AFF3: variants seen among roughly 807,000 people sequenced by gnomAD.
AFF3 encodes the protein ALF transcription elongation factor 3.
AFF3 carries 32 observed loss-of-function variants against 129.7 expected under a neutral mutation model. The ratio of observed to expected loss-of-function variants is 0.25; its 90% CI spans 0.19 to 0.33. The LOEUF (loss-of-function observed/expected upper bound fraction) is 0.33. Ranked by LOEUF, AFF3 falls within the 10% of genes least tolerant of loss-of-function variation. The pLI, the probability that AFF3 is intolerant of heterozygous loss-of-function variation, is 1.00. For synonymous variants in AFF3, 644 were observed against 635.4 expected (o/e 1.01, Z -0.20); for missense variants, 1,373 against 1,592.0 (o/e 0.86, Z 2.34).
intron 1 of AFF3, among the ~76,000 whole-genome samples, chr2:100,137,278 A>G (rs1383735240): frequency 6.6e-6 from 1 of 152,206 alleles, no homozygotes; most frequent in Non-Finnish European, 1.5e-5. Context: ...TGCTCTGGGA[A>G]TGACTGTAGC....
intron 7 of AFF3, among the ~76,000 whole-genome samples, chr2:99,848,838 C>T (rs1689926966): frequency 6.6e-6 from 1 of 152,122 alleles, no homozygotes; most frequent in Non-Finnish European, 1.5e-5. Context: ...GAATAATATG[C>T]TTAATTATGG....
At chr2:99,676,995 G>A (rs533371118) in intron 11 of AFF3, among the ~76,000 whole-genome samples, 1 of 152,274 alleles carries the variant, frequency 6.6e-6, no homozygotes, top group East Asian at 1.9e-4. Context: ...TTGGCTGCAC[G>A]CGGTGGCTTG....
rs55672296 is a variant in AFF3 at position 99,946,473 on chromosome 2, TAAAAAAAAAAAAAAAA to T, written c.873+60143_873+60158del. On this transcript the variant is annotated intron_variant, in intron 7 of 24. Coordinates refer to ENST00000672756, the MANE Select transcript of AFF3 (RefSeq NM_001386135.1). ...TGGTTGACAGAGTGAGACGCCATCT[TAAAAAAAAAAAAAAAA>T]AAAAAAAAAAAAAAAAAAGATGGGG... Among the ~76,000 whole-genome samples the T allele has an allele frequency of 8.8e-3, 446 of 50,530 alleles. 5 individuals are homozygous for T. The highest frequency in any genetic ancestry group is 0.011 in the Non-Finnish European group (306 of 26,858). 33.1% of individuals were successfully genotyped at this position (50,530 alleles called of 152,430 possible). A position where few individuals can be genotyped will look rare whatever the true frequency, so the allele number is the denominator to read the frequency against.
chr2:99,996,501 C>T (rs1214486340), intron 7 of AFF3, among the ~76,000 whole-genome samples: 1 of 149,452 alleles, frequency 6.7e-6, no homozygotes, highest in Non-Finnish European at 1.5e-5. Context: ...GTTGGGACTA[C>T]AGGCACCTGC....
At chr2:100,134,838 G>C (rs1372475798) in intron 1 of AFF3, among the ~76,000 whole-genome samples, 1 of 152,172 alleles carries the variant, frequency 6.6e-6, no homozygotes, top group African/African-American at 2.4e-5. Flanking sequence ...ATACAAGAAG[G>C]AACTTTCATT....
intron 1 of AFF3, among the ~76,000 whole-genome samples, chr2:100,140,912 C>G (rs1454831202): frequency 6.6e-6 from 1 of 152,164 alleles, no homozygotes; most frequent in African/African-American, 2.4e-5. Context: ...CCACCTCCCA[C>G]CTTTCACCTT....
At chr2:99,978,709 T>A (rs1679112858) in intron 7 of AFF3, among the ~76,000 whole-genome samples, 1 of 152,082 alleles carries the variant, frequency 6.6e-6, no homozygotes, top group South Asian at 2.1e-4. Context: ...GGTGACTAGA[T>A]CATAAGGGCA....
intron 7 of AFF3, among the ~76,000 whole-genome samples, chr2:99,883,983 T>C (rs1576271945): frequency 6.6e-6 from 1 of 152,318 alleles, no homozygotes; most frequent in East Asian, 1.9e-4. Context: ...CATGCACATT[T>C]GTTTAACAGG....
intron 8 of AFF3, among the ~76,000 whole-genome samples, chr2:99,754,793 T>G (rs137996500): frequency 2.6e-5 from 4 of 152,344 alleles, no homozygotes; most frequent in Non-Finnish European, 5.9e-5. Flanking sequence ...CGTACCTTAA[T>G]CAGGGTCCAT....
chr2:99,840,242 T>C (rs1194062171), intron 7 of AFF3, among the ~76,000 whole-genome samples: 1 of 152,228 alleles, frequency 6.6e-6, no homozygotes, highest in East Asian at 1.9e-4. Flanking sequence ...AAACCATTGC[T>C]AAATTCAAGC....
intron 13 of AFF3, among the ~76,000 whole-genome samples, chr2:99,647,091 G>T (rs1467556510): frequency 6.6e-6 from 1 of 152,200 alleles, no homozygotes; most frequent in Non-Finnish European, 1.5e-5. Flanking sequence ...AGACATTGTG[G>T]TGATTCTTCA....
intron 10 of AFF3, among the ~76,000 whole-genome samples, chr2:99,742,731 C>A (rs1375239310): frequency 6.6e-6 from 1 of 152,158 alleles, no homozygotes; most frequent in Non-Finnish European, 1.5e-5. Context: ...TCGTTATTAG[C>A]CTCAGAAACT....
At chr2:99,686,848 G>T (rs1675111032) in intron 11 of AFF3, among the ~76,000 whole-genome samples, 1 of 152,220 alleles carries the variant, frequency 6.6e-6, no homozygotes, top group Admixed American at 6.5e-5. Context: ...GGTCCCTAAA[G>T]GGCCCTCTAC....
At chr2:99,623,413 G>A (rs1274864269) in intron 13 of AFF3, among the ~76,000 whole-genome samples, 2 of 152,178 alleles carry the variant, frequency 1.3e-5, no homozygotes, top group African/African-American at 4.8e-5. Flanking sequence ...GCTGGGCACT[G>A]GAATACTCAT....
In AFF3 at chr2:99,551,412, T is replaced by C; in HGVS notation, c.*62A>G. 1 of 1,600,766 alleles carries C rather than the reference T, an allele frequency of 6.2e-7. No homozygotes were observed. The highest frequency in any genetic ancestry group is 8.5e-7 in the Non-Finnish European group (1 of 1,172,454). On this transcript the variant is annotated 3_prime_UTR_variant, in exon 25 of 25. Coordinates refer to ENST00000672756, the MANE Select transcript of AFF3 (RefSeq NM_001386135.1). ...GTGGCTGGGAGTTTCAGTAGCACAG[T>C]GTCCAAAAACGTTGAGCCATCTGTG...
intron 13 of AFF3, among the ~76,000 whole-genome samples, chr2:99,619,025 G>A (rs62154485): frequency 0.035 from 5,320 of 152,214 alleles, 117 homozygotes; most frequent in East Asian, 0.047. Context: ...CGGATTACAC[G>A]TGTGAGTTAC....
chr2:99,777,697 C>A (rs1684016112), intron 8 of AFF3, among the ~76,000 whole-genome samples: 1 of 152,114 alleles, frequency 6.6e-6, no homozygotes, highest in East Asian at 1.9e-4. Context: ...ATCTGGCAGG[C>A]TTTCTACCTG....
chr2:99,585,731 C>CT (rs1559506755), intron 16 of AFF3, among the ~76,000 whole-genome samples: 1 of 151,806 alleles, frequency 6.6e-6, no homozygotes, highest in African/African-American at 2.4e-5. Flanking sequence ...TTCTTTTTTT[C>CT]TTTTTCTTTT....
intron 7 of AFF3, among the ~76,000 whole-genome samples, chr2:99,893,279 G>A (rs192280504): frequency 6.6e-6 from 1 of 152,354 alleles, no homozygotes; most frequent in South Asian, 2.1e-4. Flanking sequence ...ATGAATATAT[G>A]TGAAGTATTT....
Sources: allele counts gnomAD v4.1 joint callset (sites outside exome capture counted in the v4.1 genomes callset), GRCh38; gene constraint gnomAD v4.1.1; transcripts MANE v1.5; gene names NCBI Gene and HGNC (gene_info 2026-07-23, HGNC 2026-07-21).